The following ZNF385D variants were observed in gnomAD, a reference collection of about 807,000 sequenced individuals.
The protein encoded by ZNF385D is zinc finger protein 385D, also known as zinc finger protein 659.
In ZNF385D, 15 loss-of-function variants were observed where a neutral mutation model predicts 35.8. The ratio of observed to expected loss-of-function variants is 0.42; its 90% confidence interval spans 0.28 to 0.64. The LOEUF (loss-of-function observed/expected upper bound fraction) is 0.64. Ranked by LOEUF, ZNF385D falls within the 30% of genes least tolerant of loss-of-function variation. The pLI is 0.23. For synonymous variants in ZNF385D, 212 were observed against 186.8 expected (o/e 1.13, Z -1.10); for missense variants, 474 against 494.6 (o/e 0.96, Z 0.39).
chr3:21,894,890 G>C (rs1452399367), intron 3 of ZNF385D, among the ~76,000 whole-genome samples: 1 of 151,430 alleles, frequency 6.6e-6, no homozygotes, highest in Non-Finnish European at 1.5e-5. Context: ...AAGATATAAA[G>C]TGACCTCTAC....
intron 2 of ZNF385D, among the ~76,000 whole-genome samples, chr3:22,235,425 A>G (rs1164740869): frequency 3.9e-5 from 6 of 152,144 alleles, no homozygotes; most frequent in Non-Finnish European, 7.4e-5. Flanking sequence ...TAACAGGACG[A>G]AACACTCAGA....
intron 3 of ZNF385D, among the ~76,000 whole-genome samples, chr3:21,781,060 G>A (rs1358459761): frequency 1.3e-5 from 2 of 152,038 alleles, no homozygotes; most frequent in Admixed American, 1.3e-4. Flanking sequence ...AATAATTTTA[G>A]TGGATTCCCC....
intron 3 of ZNF385D, among the ~76,000 whole-genome samples, chr3:22,035,254 C>G (rs1216959513): frequency 2.6e-5 from 4 of 152,170 alleles, no homozygotes; most frequent in Non-Finnish European, 5.9e-5. Flanking sequence ...ACTTTGCAAC[C>G]TTGTCCTCAT....
At chr3:22,098,351 G>A (rs1182882572) in intron 3 of ZNF385D, among the ~76,000 whole-genome samples, 2 of 151,984 alleles carry the variant, frequency 1.3e-5, no homozygotes, top group African/African-American at 2.4e-5. Flanking sequence ...TTAAGTGTAT[G>A]AGTCATCATT....
chr3:22,177,108 G>A (rs574717142), intron 2 of ZNF385D, among the ~76,000 whole-genome samples: 1 of 152,132 alleles, frequency 6.6e-6, no homozygotes, highest in Non-Finnish European at 1.5e-5. Context: ...GGCAAAACAT[G>A]ATCCCCCTGG....
intron 3 of ZNF385D, among the ~76,000 whole-genome samples, chr3:21,529,068 T>TG (rs1217724693): frequency 3.9e-5 from 6 of 151,974 alleles, no homozygotes; most frequent in South Asian, 4.2e-4. Context: ...TCCATTTTTT[T>TG]TGTGTGTGTG....
intron 3 of ZNF385D, among the ~76,000 whole-genome samples, chr3:21,795,840 C>T (rs1262629123): frequency 6.6e-6 from 1 of 152,188 alleles, no homozygotes; most frequent in East Asian, 1.9e-4. Context: ...ATGACAGGCG[C>T]TATTCTCAAT....
At chr3:21,576,516 C>T (rs1337460025) in intron 2 of ZNF385D, among the ~76,000 whole-genome samples, 2 of 152,140 alleles carry the variant, frequency 1.3e-5, no homozygotes, top group Non-Finnish European at 2.9e-5. Flanking sequence ...TTGTGGAATA[C>T]CCACAGACAT....
At chr3:21,464,294 A>G (rs984967933) in intron 4 of ZNF385D, among the ~76,000 whole-genome samples, 4 of 152,220 alleles carry the variant, frequency 2.6e-5, no homozygotes, top group African/African-American at 4.8e-5. Flanking sequence ...TATATTCTCA[A>G]ATGGAAAACA....
intron 2 of ZNF385D, among the ~76,000 whole-genome samples, chr3:22,227,162 G>A (rs1308849030): frequency 1.3e-5 from 2 of 151,668 alleles, no homozygotes; most frequent in African/African-American, 4.9e-5. Context: ...ATATATATGT[G>A]TGTATATATA....
intron 2 of ZNF385D, among the ~76,000 whole-genome samples, chr3:21,617,134 G>A (rs2064871764): frequency 1.3e-5 from 2 of 152,104 alleles, no homozygotes; most frequent in African/African-American, 4.8e-5. Context: ...GCCTTAATGT[G>A]TTAAGTATTA....
intron 2 of ZNF385D, among the ~76,000 whole-genome samples, chr3:21,642,287 G>A (rs1394551799): frequency 6.6e-6 from 1 of 152,086 alleles, no homozygotes; most frequent in Non-Finnish European, 1.5e-5. Context: ...TTTCTCTGCA[G>A]CAGAGAAAGC....
chr3:21,988,224 C>A (rs1383964718), intron 3 of ZNF385D, among the ~76,000 whole-genome samples: 1 of 127,314 alleles, frequency 7.9e-6, no homozygotes, highest in African/African-American at 2.9e-5. Context: ...AACTGCGTTC[C>A]TTTGGAGGAG....
rs58332425 is a variant in ZNF385D, at chr3:21,621,554, CGTGT to C, written c.165+43328_165+43331del. Among the ~76,000 whole-genome samples the C allele has an allele frequency of 1.1e-3, 147 of 136,976 alleles. 1 individual carries two copies. The highest frequency in any genetic ancestry group is 3.1e-3 in the African/African-American group (114 of 37,018). The allele number at this position is 136,976 out of a possible 152,430, so 89.9% of individuals were successfully genotyped here. ...TGTCATCAGTTAAAAAAAAAATTCC[CGTGT>C]GTGTGTGTGTGTGTGTGTGTGTGTG... On this transcript the variant is annotated intron_variant, in intron 2 of 7. Coordinates refer to ENST00000281523, the MANE Select transcript of ZNF385D (RefSeq NM_024697.3).
At chr3:21,810,100 A>G (rs1457705851) in intron 3 of ZNF385D, among the ~76,000 whole-genome samples, 1 of 152,180 alleles carries the variant, frequency 6.6e-6, no homozygotes, top group Non-Finnish European at 1.5e-5. Context: ...CAAATACATT[A>G]CAAGCCAATA....
At chr3:21,913,376 G>A (rs1559748262) in intron 3 of ZNF385D, among the ~76,000 whole-genome samples, 1 of 151,980 alleles carries the variant, frequency 6.6e-6, no homozygotes, top group Non-Finnish European at 1.5e-5. Context: ...GAAAAAATTG[G>A]CACATTCCAT....
intron 3 of ZNF385D, among the ~76,000 whole-genome samples, chr3:22,087,632 C>A (rs1011340344): frequency 6.6e-6 from 1 of 152,140 alleles, no homozygotes; most frequent in African/African-American, 2.4e-5. Context: ...GATTTTTGAG[C>A]TATCACACCA....
Position 21,436,959 on chromosome 3 carries a change from C to T in ZNF385D, c.673+11G>A. 3 of 1,609,842 alleles carry T rather than the reference C, an allele frequency of 1.9e-6. No homozygotes were observed. Among genetic ancestry groups the T allele is most frequent in the Non-Finnish European group, 2.5e-6 (3 of 1,177,436 alleles). ...AGCTGTTGAAACAAAAAAGAAATCG[C>T]TGCATCTCACCACTGTTGTGCGCCT... On this transcript the variant is annotated intron_variant, in intron 5 of 7. Coordinates refer to ENST00000281523, the MANE Select transcript of ZNF385D (RefSeq NM_024697.3).
chr3:22,116,022 G>C (rs1259166287), intron 3 of ZNF385D, among the ~76,000 whole-genome samples: 1 of 151,968 alleles, frequency 6.6e-6, no homozygotes. Context: ...CTCAGAAGCA[G>C]AATTAACTCC....
Sources: gnomAD v4.1 joint callset for allele counts (sites outside exome capture counted in the v4.1 genomes callset) on GRCh38, gnomAD v4.1.1 for gene constraint, MANE v1.5 for transcripts, NCBI Gene and HGNC (gene_info 2026-07-23, HGNC 2026-07-21) for gene names.